The following CCDC178 variants were observed in gnomAD, a reference collection of about 807,000 sequenced individuals.
CCDC178 encodes the protein coiled-coil domain containing 178, also known as coiled-coil domain-containing protein 178.
CCDC178 carries 126 observed loss-of-function variants against 117.4 expected under a neutral mutation model. That is an observed-to-expected ratio of 1.07 (90% CI 0.93 to 1.24). The LOEUF (loss-of-function observed/expected upper bound fraction) is 1.24. Among genes scored for constraint, CCDC178 ranks in the 50% most tolerant of loss-of-function variants. The pLI is 0.00. For missense variants in CCDC178, 1,030 were observed against 986.9 expected, an observed-to-expected ratio of 1.04 and a Z score of -0.59; for synonymous variants, 283 against 313.4, an observed-to-expected ratio of 0.90 and a Z score of 1.02.
intron 21 of CCDC178, among the ~76,000 whole-genome samples, chr18:33,012,080 T>G (rs1461504193): frequency 1.3e-5 from 2 of 152,230 alleles, no homozygotes; most frequent in East Asian, 3.8e-4. Flanking sequence ...TTTGTTCTTC[T>G]TGTTCTTCAC....
chr18:33,154,736 G>C (rs982210964), intron 20 of CCDC178, among the ~76,000 whole-genome samples: 4 of 152,086 alleles, frequency 2.6e-5, no homozygotes, highest in Non-Finnish European at 5.9e-5. Flanking sequence ...TCAGTGTAAA[G>C]AATTCAATGT....
chr18:33,383,707 G>A (rs1348433353), intron 5 of CCDC178, among the ~76,000 whole-genome samples: 1 of 151,956 alleles, frequency 6.6e-6, no homozygotes, highest in Admixed American at 6.6e-5. Flanking sequence ...CCCACCAAAG[G>A]TTATCAGCCT....
chr18:33,002,277 G>C (rs1273943671), intron 21 of CCDC178, among the ~76,000 whole-genome samples: 3 of 151,734 alleles, frequency 2.0e-5, no homozygotes, highest in Non-Finnish European at 4.4e-5. Flanking sequence ...CAATTGTGAG[G>C]CCACAAAACA....
intron 2 of CCDC178, among the ~76,000 whole-genome samples, chr18:33,434,197 A>G (rs1186419345): frequency 6.6e-6 from 1 of 152,132 alleles, no homozygotes; most frequent in Non-Finnish European, 1.5e-5. Context: ...AAATATAAAT[A>G]AATAATAACA....
At chr18:33,357,227 T>C (rs11081802) in intron 6 of CCDC178, among the ~76,000 whole-genome samples, 36,644 of 151,912 alleles carry the variant, frequency 0.24, 4,733 homozygotes, top group East Asian at 0.48. Flanking sequence ...CCAAACCACC[T>C]TGGGCACATG....
chr18:33,254,799 A>G (rs932899930), intron 14 of CCDC178, among the ~76,000 whole-genome samples: 2 of 152,084 alleles, frequency 1.3e-5, no homozygotes, highest in African/African-American at 4.8e-5. Flanking sequence ...ACCAAACTGA[A>G]GCTGAAAACA....
chr18:33,248,144 T>C (rs968181503), intron 14 of CCDC178, among the ~76,000 whole-genome samples: 4 of 151,666 alleles, frequency 2.6e-5, no homozygotes, highest in African/African-American at 9.7e-5. Context: ...CAAAAGAAAA[T>C]TATTATCTTC....
At chr18:33,185,467 G>A (rs2058780113) in intron 20 of CCDC178, among the ~76,000 whole-genome samples, 1 of 151,966 alleles carries the variant, frequency 6.6e-6, no homozygotes, top group Admixed American at 6.6e-5. Flanking sequence ...TTATACTCCA[G>A]TATGTATTAT....
intron 22 of CCDC178, among the ~76,000 whole-genome samples, chr18:32,966,985 T>C (rs978467913): frequency 2.6e-5 from 4 of 151,790 alleles, no homozygotes; most frequent in African/African-American, 9.7e-5. Context: ...CTCAGTTTTG[T>C]CCATTTTCTG....
intron 18 of CCDC178, among the ~76,000 whole-genome samples, chr18:33,218,811 A>C (rs1408934155): frequency 6.6e-6 from 1 of 151,934 alleles, no homozygotes; most frequent in Non-Finnish European, 1.5e-5. Context: ...ATTGGTCTCT[A>C]TCTCTGTTTT....
At chr18:33,248,024 T>C (rs1688447221) in intron 14 of CCDC178, among the ~76,000 whole-genome samples, 1 of 151,804 alleles carries the variant, frequency 6.6e-6, no homozygotes, top group African/African-American at 2.4e-5. Flanking sequence ...AAATCAATTG[T>C]GAGTACTGAA....
chr18:33,334,297 G>C (rs1467917108), intron 9 of CCDC178, among the ~76,000 whole-genome samples: 1 of 152,008 alleles, frequency 6.6e-6, no homozygotes, highest in Non-Finnish European at 1.5e-5. Context: ...TCTGTAAGGG[G>C]AAAGTGACAG....
intron 20 of CCDC178, among the ~76,000 whole-genome samples, chr18:33,101,875 C>A (rs2057633245): frequency 6.6e-6 from 1 of 151,782 alleles, no homozygotes; most frequent in Non-Finnish European, 1.5e-5. Flanking sequence ...AGTCAGATAA[C>A]CTGATGCCAC....
chr18:33,425,518 G>A (rs947481613), intron 2 of CCDC178, among the ~76,000 whole-genome samples: 8 of 152,256 alleles, frequency 5.3e-5, no homozygotes, highest in Admixed American at 3.9e-4. Context: ...CACCTCCTGA[G>A]TTTTATAATA....
chr18:32,985,396 T>C (rs1193614802), intron 21 of CCDC178, among the ~76,000 whole-genome samples: 3 of 151,992 alleles, frequency 2.0e-5, no homozygotes, highest in African/African-American at 7.2e-5. Context: ...AAGCTTCATT[T>C]AGAATGCAAA....
intron 21 of CCDC178, among the ~76,000 whole-genome samples, chr18:33,030,119 T>C (rs549906548): frequency 3.9e-5 from 6 of 152,078 alleles, no homozygotes; most frequent in Non-Finnish European, 5.9e-5. Flanking sequence ...TCTTCAAGTC[T>C]GTCAGTTTTG....
intron 20 of CCDC178, among the ~76,000 whole-genome samples, chr18:33,145,223 C>T (rs930804082): frequency 2.2e-4 from 33 of 152,138 alleles, no homozygotes; most frequent in African/African-American, 7.2e-4. Flanking sequence ...GTTCCTTTTA[C>T]CAATCAAAAA....
At position 33,293,173 on chromosome 18, in the gene CCDC178, A is replaced by T. The variant is rs768223876; in HGVS notation, c.1162T>A (p.Ser388Thr). The T allele has an allele frequency of 7.0e-6, 11 of 1,580,400 alleles. No homozygotes were observed. The Admixed American group carries it at 2.0e-4, about 28-fold the overall frequency. ...ETKSSKNELH[S>T]LSKMLEDLRR... ...GAAAAACTCACCATTTTTGATAGAG[A>T]ATGTAATTCATTTTTTGATGACTTT... is the stretch of plus-strand genomic sequence containing the variant. Residue 388 changes from serine (S) to threonine (T), a missense_variant, in exon 12 of 23, where the codon TCT (serine) becomes ACT (threonine). By Grantham distance (58) the Ser-to-Thr change is moderately conservative. Coordinates refer to ENST00000383096, the MANE Select transcript of CCDC178 (RefSeq NM_001105528.4).
chr18:33,197,965 T>C (rs573280845), intron 20 of CCDC178, among the ~76,000 whole-genome samples: 1 of 152,334 alleles, frequency 6.6e-6, no homozygotes, highest in Admixed American at 6.5e-5. Flanking sequence ...TTATAGCCTA[T>C]TTCATTTTCT....
Sources: allele counts gnomAD v4.1 joint callset (sites outside exome capture counted in the v4.1 genomes callset), GRCh38; gene constraint gnomAD v4.1.1; transcripts MANE v1.5; gene names NCBI Gene and HGNC (gene_info 2026-07-23, HGNC 2026-07-21).